ZNF302: variants seen among roughly 807,000 people sequenced by gnomAD.
The protein encoded by ZNF302 is zinc finger protein 327.
In ZNF302, 12 loss-of-function variants were observed where a neutral mutation model predicts 10.8. The observed-to-expected ratio is 1.11, with a 90% CI of 0.71 to 1.79. The LOEUF is 1.79. Ranked by LOEUF, ZNF302 falls within the 40% of genes most tolerant of loss-of-function variation. ZNF302 has a pLI of 0.00. For missense variants in ZNF302, 461 were observed against 471.1 expected (o/e 0.98, Z 0.20); for synonymous variants, 178 against 157.5 (o/e 1.13, Z -0.98).
At chr19:34,683,932 T>C (rs1424402394) in intron 4 of ZNF302, 14 of 1,249,562 alleles carry the variant, frequency 1.1e-5, no homozygotes, top group Non-Finnish European at 1.4e-5. Context: ...CCTGAATGCC[T>C]TCCACATCTT....
chr19:34,679,903 G>C, intron 2 of ZNF302: 1 of 703,056 alleles, frequency 1.4e-6, no homozygotes, highest in South Asian at 1.5e-5. Context: ...GATGAGTAAT[G>C]AAGAACTGGT....
Position 34,685,216 on chromosome 19 carries a change from AG to A in ZNF302, c.1180del (p.Glu394LysfsTer19). The A allele has an allele frequency of 1.2e-6, 2 of 1,612,136 alleles. No homozygotes were observed. Among genetic ancestry groups the A allele is most frequent in the Non-Finnish European group, 1.7e-6 (2 of 1,179,006 alleles). On this transcript the variant is annotated frameshift_variant, in exon 5 of 5. Coordinates refer to ENST00000505242, the MANE Select transcript of ZNF302 (RefSeq NM_001289187.2). LOFTEE classifies it high-confidence loss of function. ...TTCAACATCAGAGTATTCATACTGAAGAAAAACCGTTTGAAGTTTAGAAATG... is the reference window on the plus strand; with the variant it reads ...TTCAACATCAGAGTATTCATACTGAAAAAAACCGTTTGAAGTTTAGAAATG... ...LVQHQSIHTEEKPFEV is the reference protein window; with the variant it reads ...LVQHQSIHTEXKPFEV
rs1211809961 is a variant in ZNF302 at position 34,683,247 on chromosome 19, C to G, written c.214+9C>G. The stretch of plus-strand genomic sequence containing the variant: ...GAAAAAACTGTCAAAAGGTATGATT[C>G]CACATGAGTCATGGTGAACGAGACA... On this transcript the variant is annotated intron_variant, in intron 4 of 4. Transcript: ENST00000505242. The G allele has an allele frequency of 2.5e-6, 4 of 1,613,726 alleles. No homozygotes were observed. In the African/African-American group the frequency reaches 5.3e-5, roughly 22 times the overall value.
At chr19:34,684,044 C>G in intron 4 of ZNF302, 1 of 1,512,658 alleles carries the variant, frequency 6.6e-7, no homozygotes, top group Non-Finnish European at 8.8e-7. Flanking sequence ...ACTTTGGATT[C>G]TCTGCTCTAT....
At chr19:34,679,471 C>G (rs2068218853) in intron 2 of ZNF302, among the ~76,000 whole-genome samples, 1 of 152,186 alleles carries the variant, frequency 6.6e-6, no homozygotes, top group Admixed American at 6.5e-5. Flanking sequence ...TACAATTAGG[C>G]CATTACCTCC....
Position 34,685,363 on chromosome 19 carries a change from A to G in ZNF302, c.*126A>G. The G allele has an allele frequency of 1.2e-6, 2 of 1,613,216 alleles. No individual in the cohort carries two copies. The highest frequency in any genetic ancestry group is 4.5e-5 in the East Asian group (2 of 44,862). ...TTAGTCATAGGTCGTCCCTGCTTCA[A>G]CATCACAGTATTCATACTGGAGAGA... On this transcript the variant is annotated 3_prime_UTR_variant, in exon 5 of 5. Transcript: ENST00000505242.
Position 34,684,681 on chromosome 19 carries a change from T to C in ZNF302, c.644T>C (p.Ile215Thr). The change falls in exon 5 of 5, where the codon ATC becomes ACC. Residue 215 changes from isoleucine (I) to threonine (T), a missense_variant. Transcript: ENST00000505242. ...ECGKAFGKQS[I>T]LSRHWRIHTG... ...GGGAAAGCCTTTGGCAAACAGTCAATCCTCAGTCGCCACTGGAGAATTCAT... is the reference window on the plus strand; with the variant it reads ...GGGAAAGCCTTTGGCAAACAGTCAACCCTCAGTCGCCACTGGAGAATTCAT... 1 of 1,613,904 alleles carries C rather than the reference T, an allele frequency of 6.2e-7. No individual in the cohort carries two copies. The highest frequency in any genetic ancestry group is 1.1e-5 in the South Asian group (1 of 91,060).
chr19:34,681,363 A>G lies in ZNF302; in HGVS notation c.10-1414A>G, dbSNP rs114846570. The G allele has an allele frequency of 1.5e-3, 234 of 152,372 alleles. 2 individuals are homozygous for G. Among genetic ancestry groups the G allele is most frequent in the African/African-American group, 5.4e-3 (225 of 41,582 alleles). The allele number at this position is 152,372 out of a possible 1,614,324, so 9.4% of individuals were successfully genotyped here. On this transcript the variant is annotated intron_variant, in intron 2 of 4. Transcript: ENST00000505242. ...TGAGTACTATTGAGAAGAATTTCTA[A>G]GCACATCTGTGAGCATTTCCTTAGA...
chr19:34,676,954 G>C (rs1375656913), upstream of ZNF302: 3 of 152,110 alleles, frequency 2.0e-5, no homozygotes, highest in African/African-American at 4.8e-5. Context: ...ACTCCTCCCA[G>C]GATGAGGGTC....
At chr19:34,683,615 G>T (rs2068473790) in intron 4 of ZNF302, among the ~76,000 whole-genome samples, 1 of 152,136 alleles carries the variant, frequency 6.6e-6, no homozygotes, top group Non-Finnish European at 1.5e-5. Context: ...CTTTGTAGAT[G>T]AAATATGAAC....
At chr19:34,682,662 G>C (rs1257827693) in intron 2 of ZNF302, 115 bp from the exon 3 acceptor site, 37 of 1,497,408 alleles carry the variant, frequency 2.5e-5, no homozygotes, top group Middle Eastern at 3.6e-4. Flanking sequence ...CCCAGTCATT[G>C]TCACAGCTCC....
upstream of ZNF302, chr19:34,676,672 C>T (rs2067962206): frequency 6.6e-6 from 1 of 152,134 alleles, no homozygotes; most frequent in Non-Finnish European, 1.5e-5. Flanking sequence ...GATCCGGACC[C>T]CTTTCTGGTA....
chr19:34,681,184 C>G (rs951543741), intron 2 of ZNF302: 2 of 152,276 alleles, frequency 1.3e-5, no homozygotes, highest in African/African-American at 4.8e-5. Context: ...AAAAAATTAC[C>G]ACAGTAGAGC....
At chr19:34,680,884 C>T (rs1239102275) in intron 2 of ZNF302, among the ~76,000 whole-genome samples, 1 of 152,108 alleles carries the variant, frequency 6.6e-6, no homozygotes, top group African/African-American at 2.4e-5. Context: ...ATCTGCTTGC[C>T]TATATAAAAA....
intron 2 of ZNF302, among the ~76,000 whole-genome samples, chr19:34,681,060 C>A (rs1009912622): frequency 5.3e-5 from 8 of 152,070 alleles, no homozygotes; most frequent in Non-Finnish European, 1.2e-4. Flanking sequence ...ATTATTTTCT[C>A]CAAACCTGAG....
Position 34,684,998 on chromosome 19 carries a change from G to T in ZNF302, c.961G>T (p.Ala321Ser). 1.9e-6 allele frequency: 3 copies of T among 1,613,950 alleles called. No individual in the cohort carries two copies. Among genetic ancestry groups the T allele is most frequent in the African/African-American group, 1.3e-5 (1 of 75,016 alleles). ...KRYECRICGK[A>S]FIHSSSLIHH... Reference sequence around the variant, plus strand: ...CTATGAGTGTCGTATATGTGGAAAGGCCTTCATTCATAGTTCGTCTCTCAT... The same window carrying T: ...CTATGAGTGTCGTATATGTGGAAAGTCCTTCATTCATAGTTCGTCTCTCAT... Residue 321 changes from alanine to serine, a missense_variant, in exon 5 of 5, where the codon GCC becomes TCC. Coordinates refer to ENST00000505242, the MANE Select transcript of ZNF302 (RefSeq NM_001289187.2).
Position 34,684,689 on chromosome 19 carries a change from C to A in ZNF302, c.652C>A (p.Arg218Ser). 1 of 1,613,984 alleles carries A rather than the reference C, an allele frequency of 6.2e-7. No homozygotes were observed. The highest frequency in any genetic ancestry group is 8.5e-7 in the Non-Finnish European group (1 of 1,179,928). ...KAFGKQSILS[R>S]HWRIHTGEKP... ...CTTTGGCAAACAGTCAATCCTCAGT[C>A]GCCACTGGAGAATTCATACAGGAGA... The change falls in exon 5 of 5, where the codon CGC becomes AGC. Residue 218 changes from arginine (R) to serine (S), a missense_variant. Coordinates refer to ENST00000505242, the MANE Select transcript of ZNF302 (RefSeq NM_001289187.2).
chr19:34,676,838 G>C (rs374817105), upstream of ZNF302: 8 of 152,252 alleles, frequency 5.3e-5, no homozygotes, highest in East Asian at 1.4e-3. Context: ...ACAAACAGTA[G>C]ACTGCTCTGG....
At chr19:34,676,650 C>T (rs1390465802), upstream of ZNF302, 2 of 152,238 alleles carry the variant, frequency 1.3e-5, no homozygotes, top group Non-Finnish European at 2.9e-5. Flanking sequence ...TAAGAACTCT[C>T]TCTTGGGGTC....
Sources: gnomAD v4.1 joint callset for allele counts (sites outside exome capture counted in the v4.1 genomes callset) on GRCh38, gnomAD v4.1.1 for gene constraint, MANE v1.5 for transcripts, NCBI Gene and HGNC (gene_info 2026-07-23, HGNC 2026-07-21) for gene names.